The following SNX2 variants were observed in gnomAD, a reference collection of about 807,000 sequenced individuals.
The protein encoded by SNX2 is sorting nexin 2, also known as sorting nexin-2.
A neutral mutation model predicts 69.9 loss-of-function variants in SNX2; 25 were observed. The ratio of observed to expected loss-of-function variants is 0.36; its 90% CI spans 0.26 to 0.50. The LOEUF (loss-of-function observed/expected upper bound fraction) is 0.50. Ranked by LOEUF, SNX2 falls within the 20% of genes least tolerant of loss-of-function variation. The pLI is 0.97. For synonymous variants in SNX2, 229 were observed against 200.4 expected (o/e 1.14, Z -1.20); for missense variants, 551 against 613.3 (o/e 0.90, Z 1.07).
At chr5:122,798,166 T>TC (rs1753428500) in intron 2 of SNX2, among the ~76,000 whole-genome samples, 1 of 152,186 alleles carries the variant, frequency 6.6e-6, no homozygotes, top group East Asian at 1.9e-4. Context: ...ATACTGCTTT[T>TC]TTTTTACTTT....
chr5:122,823,440 T>C (rs1754069516), intron 11 of SNX2, among the ~76,000 whole-genome samples: 1 of 152,208 alleles, frequency 6.6e-6, no homozygotes, highest in Admixed American at 6.5e-5. Context: ...GTCCTGGTTC[T>C]AGAATACTAT....
intron 6 of SNX2, among the ~76,000 whole-genome samples, chr5:122,807,268 G>GAAAAA (rs1010067986): frequency 7.2e-6 from 1 of 139,718 alleles, no homozygotes; most frequent in African/African-American, 2.7e-5. Context: ...TTTCGAAAAA[G>GAAAAA]AAAAAAAAAA....
chr5:122,803,257 T>A (rs1214848328), intron 5 of SNX2, among the ~76,000 whole-genome samples: 1 of 152,184 alleles, frequency 6.6e-6, no homozygotes, highest in Admixed American at 6.5e-5. Flanking sequence ...TAAGATAGAA[T>A]AATGCAAATA....
chr5:122,793,553 T>G (rs1753293420), intron 1 of SNX2, among the ~76,000 whole-genome samples: 1 of 152,236 alleles, frequency 6.6e-6, no homozygotes, highest in African/African-American at 2.4e-5. Context: ...TGAAACTATC[T>G]AGCTGTACAC....
At chr5:122,814,753 T>TTTTTTTGTTTTTTTTTG (rs11269917) in intron 7 of SNX2, among the ~76,000 whole-genome samples, 6,668 of 151,052 alleles carry the variant, frequency 0.044, 212 homozygotes, top group East Asian at 0.1. Flanking sequence ...GATAGCAGGT[T>TTTTTTTGTTTTTTTTTG]TTTTTTTGTT....
intron 7 of SNX2, 197 bp from the exon 8 acceptor site, chr5:122,815,699 T>C (rs1753884790): frequency 7.9e-6 from 3 of 380,392 alleles, no homozygotes; most frequent in South Asian, 6.0e-5. Flanking sequence ...CTGGATAGTA[T>C]ATCAATTTTC....
chr5:122,827,911 C>A, intron 14 of SNX2: 1 of 339,156 alleles, frequency 2.9e-6, no homozygotes, highest in Non-Finnish European at 5.3e-6. Flanking sequence ...GCAACTTTCC[C>A]CTTTCACTGT....
intron 1 of SNX2, among the ~76,000 whole-genome samples, chr5:122,793,983 C>T (rs1753311284): frequency 6.6e-6 from 1 of 150,960 alleles, no homozygotes; most frequent in Non-Finnish European, 1.5e-5. Context: ...ATAAAAGCTA[C>T]ACAATCTAGG....
Position 122,831,496 on chromosome 5 carries a change from A to T in SNX2, c.*1848A>T, listed in dbSNP as rs1450977372. ...TAGTGAGACCCTGTCTCTAAAAAAA[A>T]TGAAGACTTGATGAGTTGAACAGGG... On this transcript the variant is annotated 3_prime_UTR_variant, in exon 15 of 15. Coordinates refer to ENST00000379516, the MANE Select transcript of SNX2 (RefSeq NM_003100.4). Among the ~76,000 whole-genome samples, 1 of 152,142 alleles carries T rather than the reference A, an allele frequency of 6.6e-6. No individual in the cohort carries two copies. The highest frequency in any genetic ancestry group is 1.5e-5 in the Non-Finnish European group (1 of 68,044).
Position 122,831,689 on chromosome 5 carries a change from G to GT in SNX2, c.*2044dup, listed in dbSNP as rs572193737. Among the ~76,000 whole-genome samples, 21 of 152,242 alleles carry GT rather than the reference G, an allele frequency of 1.4e-4. No homozygotes were observed. The highest frequency in any genetic ancestry group is 1.2e-3 in the Admixed American group (18 of 15,284). On this transcript the variant is annotated 3_prime_UTR_variant, in exon 15 of 15. Coordinates refer to ENST00000379516, the MANE Select transcript of SNX2 (RefSeq NM_003100.4). ...GCAAAAGATAGGCTTACCAAGAATA[G>GT]TTTCACTATAATGATGTCCTAGTGT...
At position 122,795,366 on chromosome 5, in the gene SNX2, GAGA is replaced by G; in HGVS notation, c.213_215del (p.Glu71del). On this transcript the variant is annotated inframe_deletion, in exon 2 of 15. Transcript: ENST00000379516. The stretch of plus-strand genomic sequence containing the variant: ...ACAGAAGTTGTATTAGATGATGACA[GAGA>G]AGATCTTTTTGCAGGTAATTGTCAT... 6.2e-7 allele frequency: 1 copy of G among 1,609,774 alleles called. No individual in the cohort carries two copies. Among genetic ancestry groups the G allele is most frequent in the Non-Finnish European group, 8.5e-7 (1 of 1,176,446 alleles).
Position 122,829,841 on chromosome 5 carries a change from T to C in SNX2, c.*193T>C, listed in dbSNP as rs898727336. ...ACATTTTATTACAAGCTGCATGTCC[T>C]GACCCTCTTTGAATTAAGTGGACTG... On this transcript the variant is annotated 3_prime_UTR_variant, in exon 15 of 15. Coordinates refer to ENST00000379516, the MANE Select transcript of SNX2 (RefSeq NM_003100.4). 1.4e-5 allele frequency: 8 copies of C among 590,886 alleles called. No individual in the cohort carries two copies. The East Asian group carries it at 2.0e-4, about 15-fold the overall frequency. 36.6% of individuals were successfully genotyped at this position (590,886 alleles called of 1,614,324 possible). A position where few individuals can be genotyped will look rare whatever the true frequency, so the allele number is the denominator to read the frequency against.
intron 7 of SNX2, 61 bp from the exon 8 acceptor site, chr5:122,815,834 AT>A (rs1383891945): frequency 2.3e-6 from 2 of 861,216 alleles, no homozygotes; most frequent in Non-Finnish European, 3.6e-6. Context: ...TTTTTTTATC[AT>A]TTTGTTGAAC....
At chr5:122,829,279 A>G (rs1215960178) in intron 14 of SNX2, among the ~76,000 whole-genome samples, 1 of 151,976 alleles carries the variant, frequency 6.6e-6, no homozygotes, top group Non-Finnish European at 1.5e-5. Context: ...ATCTTGGCTC[A>G]CTGCAACCTC....
intron 6 of SNX2, chr5:122,803,840 G>C (rs1349271106): frequency 3.1e-5 from 12 of 392,246 alleles, no homozygotes; most frequent in Non-Finnish European, 5.4e-5. Flanking sequence ...ATACAGTAAT[G>C]TTAAATATTG....
chr5:122,824,267 CTTAGTG>C lies in SNX2; in HGVS notation c.1213-1771_1213-1766del, dbSNP rs1185878318. On this transcript the variant is annotated intron_variant, in intron 11 of 14. Transcript: ENST00000379516. ...GACATTTTTTTTTTAAAGCTCATCACTTAGTGTTAGTGTTAGTATGTTTTATGTGTG... is the reference window on the plus strand; with the variant it reads ...GACATTTTTTTTTTAAAGCTCATCACTTAGTGTTAGTATGTTTTATGTGTG... Among the ~76,000 whole-genome samples, 125 of 149,892 alleles carry C rather than the reference CTTAGTG, an allele frequency of 8.3e-4. 1 individual carries two copies. The highest frequency in any genetic ancestry group is 2.8e-3 in the African/African-American group (113 of 40,816).
intron 11 of SNX2, among the ~76,000 whole-genome samples, chr5:122,821,712 CCCAAAGTGCTGGGAT>C (rs1754030562): frequency 6.6e-6 from 1 of 152,142 alleles, no homozygotes; most frequent in African/African-American, 2.4e-5. Context: ...GCCTCAGCCT[CCCAAAGTGCTGGGAT>C]TACAGGCGTG....
intron 14 of SNX2, 51 bp downstream of exon 14, chr5:122,827,697 A>G (rs577303868): frequency 4.6e-6 from 6 of 1,306,188 alleles, no homozygotes; most frequent in African/African-American, 4.4e-5. Context: ...TTTTTGGTAT[A>G]CTTTCTTATT....
chr5:122,778,169 T>C (rs1752896011), intron 1 of SNX2, among the ~76,000 whole-genome samples: 1 of 152,254 alleles, frequency 6.6e-6, no homozygotes, highest in Non-Finnish European at 1.5e-5. Context: ...CTTTTTATAG[T>C]TGAATAGTAT....
Sources: allele counts gnomAD v4.1 joint callset (sites outside exome capture counted in the v4.1 genomes callset), GRCh38; gene constraint gnomAD v4.1.1; transcripts MANE v1.5; gene names NCBI Gene and HGNC (gene_info 2026-07-23, HGNC 2026-07-21).